The following DDB1 variants were observed in gnomAD, a reference collection of about 807,000 sequenced individuals.
DDB1 encodes DNA damage-binding protein 1.
A neutral mutation model predicts 133.1 loss-of-function variants in DDB1; 18 were observed. The observed-to-expected ratio is 0.14, with a 90% CI of 0.09 to 0.20. The LOEUF (loss-of-function observed/expected upper bound fraction) is 0.20. Among genes scored for constraint, DDB1 ranks in the 10% least tolerant of loss-of-function variants. The probability of loss-of-function intolerance (pLI) is 1.00; values close to 1 mark genes in which losing one functional copy is unlikely to be tolerated. For missense variants in DDB1, 828 were observed against 1,459.2 expected (o/e 0.57, Z 7.05); for synonymous variants, 580 against 550.5 (o/e 1.05, Z -0.75).
chr11:61,325,161 G>C (rs1478764094), intron 6 of DDB1, among the ~76,000 whole-genome samples: 6 of 151,170 alleles, frequency 4.0e-5, no homozygotes, highest in African/African-American at 1.5e-4. Context: ...AAAAAAAAAA[G>C]AAACTGCCAA....
chr11:61,300,155 T>C lies in DDB1; in HGVS notation c.3404A>G (p.Glu1135Gly). 5.6e-6 allele frequency: 9 copies of C among 1,614,090 alleles called. No homozygotes were observed. The highest frequency in any genetic ancestry group is 7.6e-6 in the Non-Finnish European group (9 of 1,180,014). ...CCTTGGCTAATGGATCCGAGTTAGC[T>C]CCTCCACAACCTTGATGAGGTCGTC... Reference protein sequence around the residue: ...TADDLIKVVEELTRIH With the variant: ...TADDLIKVVEGLTRIH The change falls in exon 27 of 27, where the codon GAG becomes GGG. Residue 1135 changes from glutamate (E) to glycine (G), a missense_variant. Physicochemically the swap from Glu to Gly is moderately conservative, Grantham distance 98. Coordinates refer to ENST00000301764, the MANE Select transcript of DDB1 (RefSeq NM_001923.5).
At chr11:61,328,311 C>T (rs2512812) in intron 4 of DDB1, among the ~76,000 whole-genome samples, 129,446 of 152,242 alleles carry the variant, frequency 0.85, 58,592 homozygotes, top group Non-Finnish European at 1. Flanking sequence ...GCACCTCCAA[C>T]ATATAACAAG....
intron 24 of DDB1, 89 bp downstream of exon 24, chr11:61,302,493 T>A: frequency 1.3e-6 from 2 of 1,589,972 alleles, no homozygotes; most frequent in South Asian, 2.3e-5. Context: ...AACACCTAGG[T>A]CTTGTACAGT....
At chr11:61,330,422 G>A (rs1054306607) in intron 2 of DDB1, among the ~76,000 whole-genome samples, 5 of 22,496 alleles carry the variant, frequency 2.2e-4, no homozygotes, top group Non-Finnish European at 3.8e-3. Flanking sequence ...CCAAGTATTT[G>A]AAGAAAGAGG....
At chr11:61,318,698 A>G (rs1856128963) in intron 10 of DDB1, among the ~76,000 whole-genome samples, 1 of 152,138 alleles carries the variant, frequency 6.6e-6, no homozygotes, top group South Asian at 2.1e-4. Flanking sequence ...TGCTTTTGCT[A>G]TGAAGTGTTT....
At position 61,321,818 on chromosome 11, in the gene DDB1, G is replaced by C. The variant is rs1237675486; in HGVS notation, c.1123-121C>G. ...GAACCTTTATTGTGGGGCTAGGTTTGAGGATGCAGACTTGGCAGAGGTTGA... is the reference window on the plus strand; with the variant it reads ...GAACCTTTATTGTGGGGCTAGGTTTCAGGATGCAGACTTGGCAGAGGTTGA... On this transcript the variant is annotated intron_variant, in intron 9 of 26. Transcript: ENST00000301764. The C allele has an allele frequency of 5.9e-6, 5 of 841,128 alleles. No homozygotes were observed. In the East Asian group the frequency reaches 1.2e-4, roughly 21 times the overall value. The allele number at this position is 841,128 out of a possible 1,614,324, so 52.1% of individuals were successfully genotyped here.
chr11:61,331,531 T>A lies in DDB1; in HGVS notation c.210+12A>T. ...TTCCCCCTCCACTGCTTGTCCCAAC[T>A]GCAACACTTACCTTGGGCCTGAAAA... is the stretch of plus-strand genomic sequence containing the variant. On this transcript the variant is annotated intron_variant, in intron 2 of 26. Transcript: ENST00000301764. The A allele has an allele frequency of 6.2e-7, 1 of 1,612,652 alleles. No homozygotes were observed. Among genetic ancestry groups the A allele is most frequent in the Non-Finnish European group, 8.5e-7 (1 of 1,178,794 alleles).
intron 12 of DDB1, chr11:61,315,826 T>C (rs965088333): frequency 6.4e-6 from 1 of 155,354 alleles, no homozygotes; most frequent in Non-Finnish European, 1.4e-5. Context: ...GCTTCGGTTA[T>C]AATTAGTATG....
At chr11:61,301,714 G>A in intron 25 of DDB1, 1 of 152,638 alleles carries the variant, frequency 6.6e-6, no homozygotes, top group South Asian at 2.1e-4. Flanking sequence ...CTTGGCTAGA[G>A]CAGGGCCAGA....
intron 19 of DDB1, 50 bp from the exon 20 acceptor site, chr11:61,310,010 C>G: frequency 6.2e-7 from 1 of 1,610,442 alleles, no homozygotes; most frequent in Non-Finnish European, 8.5e-7. Flanking sequence ...CATATCTGCA[C>G]GCACACATAA....
At chr11:61,300,652 C>CT (rs527587491) in intron 26 of DDB1, among the ~76,000 whole-genome samples, 157 bp downstream of exon 26, 1 of 152,372 alleles carries the variant, frequency 6.6e-6, no homozygotes, top group South Asian at 2.1e-4. Flanking sequence ...ACAAACATCT[C>CT]TTTTCCCTCA....
intron 19 of DDB1, 122 bp from the exon 20 acceptor site, chr11:61,310,082 G>C: frequency 7.0e-7 from 1 of 1,424,848 alleles, no homozygotes; most frequent in Non-Finnish European, 9.8e-7. Context: ...TGCTGTCCCT[G>C]TCTCATCAGA....
At chr11:61,313,273 T>C (rs2134910882) in intron 16 of DDB1, among the ~76,000 whole-genome samples, 1 of 152,312 alleles carries the variant, frequency 6.6e-6, no homozygotes, top group Non-Finnish European at 1.5e-5. Flanking sequence ...AAAATACAGA[T>C]TCCAGAGCTC....
chr11:61,314,409 C>T lies in DDB1; in HGVS notation c.1488G>A (p.Lys496=), dbSNP rs1378061597. The part of the protein sequence containing the change: ...LVSEWKEPQA[K]NISVASCNSS... ...TATTGCAGGAGGCCACACTGATGTT[C>T]TTGGCCTGAGGCTCCTTCCATTCAC... Residue 496 remains lysine (K), a synonymous_variant, in exon 13 of 27, where the codon AAG becomes AAA. Transcript: ENST00000301764. 1 of 1,614,124 alleles carries T rather than the reference C, an allele frequency of 6.2e-7. No homozygotes were observed. The highest frequency in any genetic ancestry group is 1.7e-5 in the Admixed American group (1 of 60,006).
Position 61,302,742 on chromosome 11 carries a change from G to T in DDB1, c.2952C>A (p.Thr984=). Residue 984 remains threonine, a synonymous_variant, in exon 24 of 27, where the codon ACC becomes ACA. Coordinates refer to ENST00000301764, the MANE Select transcript of DDB1 (RefSeq NM_001923.5). ...GGAGGTGCTGCCGCTCCTCGTCAGT[G>T]GTGGCAGCGCTGAAAGGCGGTAAGA... ...LFVCQKDSAA[T]TDEERQHLQE... The T allele has an allele frequency of 6.2e-7, 1 of 1,614,192 alleles. No individual in the cohort carries two copies. The highest frequency in any genetic ancestry group is 1.1e-5 in the South Asian group (1 of 91,070).
chr11:61,308,270 G>C (rs899988584), intron 21 of DDB1, among the ~76,000 whole-genome samples: 1 of 152,030 alleles, frequency 6.6e-6, no homozygotes, highest in African/African-American at 2.4e-5. Context: ...CCTTGCACTT[G>C]TCTTCCCCAA....
chr11:61,324,142 C>A lies in DDB1; in HGVS notation c.763-5G>T. The A allele has an allele frequency of 6.2e-7, 1 of 1,613,902 alleles. No individual in the cohort carries two copies. The highest frequency in any genetic ancestry group is 1.7e-4 in the Middle Eastern group (1 of 6,020). Reference sequence around the variant, plus strand: ...GTGGCACACAATCGTGCTTTGCTGCCAATTGGAAGGAAACAGTCATTAGAG... The same window carrying A: ...GTGGCACACAATCGTGCTTTGCTGCAAATTGGAAGGAAACAGTCATTAGAG... On this transcript the variant is annotated splice_polypyrimidine_tract_variant and splice_region_variant and intron_variant, in intron 6 of 26. Transcript: ENST00000301764.
At chr11:61,325,307 T>C (rs1275530271) in intron 6 of DDB1, among the ~76,000 whole-genome samples, 3 of 152,174 alleles carry the variant, frequency 2.0e-5, no homozygotes, top group Non-Finnish European at 1.5e-5. Context: ...CACTGCATTC[T>C]AGCTCTCCAG....
At chr11:61,318,323 G>A (rs1364082510) in intron 10 of DDB1, among the ~76,000 whole-genome samples, 3 of 152,184 alleles carry the variant, frequency 2.0e-5, no homozygotes, top group Non-Finnish European at 4.4e-5. Context: ...TAAAGGTCAG[G>A]TAGAGGCTCA....
Sources: gnomAD v4.1 joint callset for allele counts (sites outside exome capture counted in the v4.1 genomes callset) on GRCh38, gnomAD v4.1.1 for gene constraint, MANE v1.5 for transcripts, NCBI Gene and HGNC (gene_info 2026-07-23, HGNC 2026-07-21) for gene names.